The following IL18RAP variants were observed in gnomAD, a reference collection of about 807,000 sequenced individuals.
The protein encoded by IL18RAP is interleukin-18 receptor accessory protein.
IL18RAP carries 37 observed loss-of-function variants against 58.1 expected under a neutral mutation model. The ratio of observed to expected loss-of-function variants is 0.64; its 90% CI spans 0.49 to 0.84. The LOEUF (loss-of-function observed/expected upper bound fraction) is 0.84. Among genes scored for constraint, IL18RAP ranks in the 40% least tolerant of loss-of-function variants. The pLI is 0.00. For synonymous variants in IL18RAP, 268 were observed against 257.5 expected (o/e 1.04, Z -0.39); for missense variants, 667 against 704.8 (o/e 0.95, Z 0.61).
intron 3 of IL18RAP, 78 bp downstream of exon 3, chr2:102,424,492 C>A: frequency 7.6e-7 from 1 of 1,321,760 alleles, no homozygotes; most frequent in Non-Finnish European, 1.1e-6. Flanking sequence ...CATGGAAAAG[C>A]GTGTTTGAGA....
chr2:102,443,336 C>G lies in IL18RAP; in HGVS notation c.920+13C>G. The G allele has an allele frequency of 2.5e-6, 4 of 1,610,400 alleles. No individual in the cohort carries two copies. The highest frequency in any genetic ancestry group is 3.4e-6 in the Non-Finnish European group (4 of 1,179,408). ...CTGAGGCGAAAAGGTAAGAAAAAAA[C>G]TCACGGATTCTGTTCTCTGCAATTC... On this transcript the variant is annotated intron_variant, in intron 6 of 9. Transcript: ENST00000687160.
At chr2:102,445,087 C>A in intron 6 of IL18RAP, 102 bp from the exon 7 acceptor site, 1 of 983,008 alleles carries the variant, frequency 1.0e-6, no homozygotes, top group Non-Finnish European at 1.5e-6. Flanking sequence ...TCTCACAGTT[C>A]TCTAAAAGCC....
At chr2:102,425,956 G>T (rs971876564) in intron 3 of IL18RAP, among the ~76,000 whole-genome samples, 1 of 152,146 alleles carries the variant, frequency 6.6e-6, no homozygotes, top group African/African-American at 2.4e-5. Flanking sequence ...TGAACAGGCA[G>T]CCACCTTAAG....
rs116560924 is a variant in IL18RAP, at chr2:102,428,685, A to G, written c.579+4271A>G. Reference sequence around the variant, plus strand: ...CAATTTTACTTGTTTTTCTACTAAAATGCTTTTTATTTGTTTCTCTTGCCT... The same window carrying G: ...CAATTTTACTTGTTTTTCTACTAAAGTGCTTTTTATTTGTTTCTCTTGCCT... On this transcript the variant is annotated intron_variant, in intron 3 of 9. Transcript: ENST00000687160. Among the ~76,000 whole-genome samples, 722 of 152,056 alleles carry G rather than the reference A, an allele frequency of 4.7e-3. 4 individuals are homozygous for G. The highest frequency in any genetic ancestry group is 7.0e-3 in the South Asian group (34 of 4,830).
At chr2:102,435,746 C>T (rs2110734) in intron 3 of IL18RAP, among the ~76,000 whole-genome samples, 117,822 of 152,038 alleles carry the variant, frequency 0.77, 46,665 homozygotes, top group African/African-American at 0.9. Flanking sequence ...ATCGATAATA[C>T]TGCAGTATAA....
chr2:102,445,485 C>A (rs2104374861), intron 7 of IL18RAP, 145 bp downstream of exon 7: 2 of 791,664 alleles, frequency 2.5e-6, no homozygotes, highest in South Asian at 3.7e-5. Flanking sequence ...GGTGTCAACC[C>A]ATTTAATACC....
chr2:102,441,829 A>T (rs1247900217), intron 5 of IL18RAP, among the ~76,000 whole-genome samples: 1 of 152,148 alleles, frequency 6.6e-6, no homozygotes, highest in Non-Finnish European at 1.5e-5. Flanking sequence ...CGGAGGTTAC[A>T]GTGAGCCGAG....
At chr2:102,422,008 C>T (rs1304857215), upstream of IL18RAP, among the ~76,000 whole-genome samples, 1 of 151,666 alleles carries the variant, frequency 6.6e-6, no homozygotes, top group Non-Finnish European at 1.5e-5. Context: ...CCAAGGCCCT[C>T]TCATCTCCAG....
chr2:102,426,929 C>G (rs1316276156), intron 3 of IL18RAP, among the ~76,000 whole-genome samples: 1 of 152,126 alleles, frequency 6.6e-6, no homozygotes. Context: ...ACCAATCAAG[C>G]CTCCATAATC....
In IL18RAP at chr2:102,452,143, G is replaced by T. The variant is rs551623010; in HGVS notation, c.1762G>T (p.Glu588Ter). 1 of 1,612,738 alleles carries T rather than the reference G, an allele frequency of 6.2e-7. No homozygotes were observed. Among genetic ancestry groups the T allele is most frequent in the South Asian group, 1.1e-5 (1 of 90,836 alleles). Residue 588 changes from glutamate (E) to a stop codon, truncating the protein, a stop_gained, in exon 10 of 10, where the codon GAA (glutamate) becomes TAA (stop). Transcript: ENST00000687160. LOFTEE classifies it high-confidence loss of function. The part of the protein sequence containing the change: ...IFQWKGLSRT[E>*]TTGRSSQPKE... ...TCAGTGGAAAGGACTCAGTAGAACA[G>T]AAACCACTGGGAGGAGCTCCCAGCC...
rs1681772317 is a variant in IL18RAP at position 102,424,147 on chromosome 2, A to G, written c.395+12A>G. The stretch of plus-strand genomic sequence containing the variant: ...CCCAAGATGATTAAGTATGATCCAA[A>G]TACATTTCTATCTGAAAACATTTCC... On this transcript the variant is annotated intron_variant, in intron 2 of 9. Coordinates refer to ENST00000687160, the MANE Select transcript of IL18RAP (RefSeq NM_001393487.1). 1 of 1,607,744 alleles carries G rather than the reference A, an allele frequency of 6.2e-7. No homozygotes were observed.
intron 8 of IL18RAP, among the ~76,000 whole-genome samples, chr2:102,447,997 G>T (rs1339672231): frequency 1.3e-5 from 2 of 152,146 alleles, no homozygotes; most frequent in African/African-American, 2.4e-5. Flanking sequence ...GCCTCCCAAA[G>T]TGCTGGGATT....
rs1683213650 is a variant in IL18RAP, at chr2:102,443,266, A to G, written c.863A>G (p.Lys288Arg). The change falls in exon 6 of 10, where the codon AAA (lysine) becomes AGA (arginine). Residue 288 changes from lysine (K) to arginine (R), a missense_variant. By Grantham distance (26) the Lys-to-Arg change is conservative (BLOSUM62 2). Coordinates refer to ENST00000687160, the MANE Select transcript of IL18RAP (RefSeq NM_001393487.1). ...GAAAGGGTCTTTAACCCTGTCATAAAATGGTACATCAAAGATTCTGACCTA... is the reference window on the plus strand; with the variant it reads ...GAAAGGGTCTTTAACCCTGTCATAAGATGGTACATCAAAGATTCTGACCTA... ...GFERVFNPVI[K>R]WYIKDSDLEW... is the part of the protein sequence containing the mutation. 6.2e-7 allele frequency: 1 copy of G among 1,613,824 alleles called. No individual in the cohort carries two copies. Among genetic ancestry groups the G allele is most frequent in the Non-Finnish European group, 8.5e-7 (1 of 1,179,948 alleles).
At chr2:102,436,681 GA>G (rs34773218) in intron 3 of IL18RAP, among the ~76,000 whole-genome samples, 39,225 of 151,422 alleles carry the variant, frequency 0.26, 5,373 homozygotes, top group East Asian at 0.41. Flanking sequence ...GTCAGAGAGA[GA>G]AAAAAAAGCC....
At chr2:102,445,095 G>C in intron 6 of IL18RAP, 94 bp from the exon 7 acceptor site, 1 of 1,127,866 alleles carries the variant, frequency 8.9e-7, no homozygotes, top group South Asian at 1.4e-5. Context: ...TTCTCTAAAA[G>C]CCAAACTGTT....
At chr2:102,443,393 A>T in intron 6 of IL18RAP, 70 bp downstream of exon 6, 1 of 1,552,712 alleles carries the variant, frequency 6.4e-7, no homozygotes, top group East Asian at 2.3e-5. Flanking sequence ...AGAAATGCCT[A>T]AAGTATACAG....
intron 5 of IL18RAP, among the ~76,000 whole-genome samples, chr2:102,442,271 A>G (rs1366503988): frequency 6.6e-6 from 1 of 151,956 alleles, no homozygotes; most frequent in Non-Finnish European, 1.5e-5. Flanking sequence ...TGTATTAAAA[A>G]TAAAATGCTG....
In IL18RAP at chr2:102,452,095, C is replaced by T; in HGVS notation, c.1714C>T (p.Leu572Phe). 3 of 1,614,102 alleles carry T rather than the reference C, an allele frequency of 1.9e-6. No individual in the cohort carries two copies. Among genetic ancestry groups the T allele is most frequent in the Non-Finnish European group, 2.5e-6 (3 of 1,180,030 alleles). Residue 572 changes from leucine (L) to phenylalanine (F), a missense_variant, in exon 10 of 10, where the codon CTC (leucine) becomes TTC (phenylalanine). Transcript: ENST00000687160. ...CTCTCAGGGATTCACGTGGAACCAG[C>T]TCAGAATTACCTCTAGGATTTTTCA... is the stretch of plus-strand genomic sequence containing the variant. The part of the protein sequence containing the change: ...KNSQGFTWNQ[L>F]RITSRIFQWK...
intron 7 of IL18RAP, among the ~76,000 whole-genome samples, chr2:102,445,962 T>C (rs551750747): frequency 2.0e-5 from 3 of 152,372 alleles, no homozygotes; most frequent in South Asian, 2.1e-4. Context: ...TGAATGTTTC[T>C]GAGGCTTCAA....
Sources: gnomAD v4.1 joint callset for allele counts (sites outside exome capture counted in the v4.1 genomes callset) on GRCh38, gnomAD v4.1.1 for gene constraint, MANE v1.5 for transcripts, NCBI Gene and HGNC (gene_info 2026-07-23, HGNC 2026-07-21) for gene names.